Variants in SYNE1 observed in about 807,000 individuals in gnomAD.
The protein encoded by SYNE1 is spectrin repeat containing nuclear envelope protein 1.
Under a neutral mutation model 1,111.0 loss-of-function variants are expected in SYNE1, and 616 were observed. That is an observed-to-expected ratio of 0.55 (90% CI 0.52 to 0.59). SYNE1 has a LOEUF of 0.59. Among genes scored for constraint, SYNE1 ranks in the 20% least tolerant of loss-of-function variants. The probability of loss-of-function intolerance (pLI) is 0.00; values close to 1 mark genes in which losing one functional copy is unlikely to be tolerated. For synonymous variants in SYNE1, 3,855 were observed against 3,825.8 expected (o/e 1.01, Z -0.28); for missense variants, 10,006 against 10,417.0 (o/e 0.96, Z 1.72).
At chr6:152,632,428 A>G (rs2099699397) in intron 2 of SYNE1, among the ~76,000 whole-genome samples, 1 of 152,190 alleles carries the variant, frequency 6.6e-6, no homozygotes, top group Non-Finnish European at 1.5e-5. Flanking sequence ...TTTTACTGAT[A>G]CTTTATCTAA....
intron 93 of SYNE1, among the ~76,000 whole-genome samples, chr6:152,299,836 C>T (rs1413087859): frequency 1.3e-5 from 2 of 152,024 alleles, no homozygotes; most frequent in African/African-American, 2.4e-5. Flanking sequence ...CTTAATAATA[C>T]ATATCAACTT....
intron 77 of SYNE1, among the ~76,000 whole-genome samples, chr6:152,333,750 A>G (rs1400829467): frequency 1.3e-5 from 2 of 152,090 alleles, no homozygotes; most frequent in African/African-American, 4.8e-5. Flanking sequence ...CTCCTGCCTC[A>G]GCCTCCGAAG....
At chr6:152,308,682 A>C in intron 90 of SYNE1, 50 bp from the exon 91 acceptor site, 1 of 1,568,450 alleles carries the variant, frequency 6.4e-7, no homozygotes. Context: ...TTTCTCTACC[A>C]ATAACTAGGT....
Position 152,462,834 on chromosome 6 carries a change from A to G in SYNE1, c.2154T>C (p.Val718=). 3 of 1,613,982 alleles carry G rather than the reference A, an allele frequency of 1.9e-6. No homozygotes were observed. Among genetic ancestry groups the G allele is most frequent in the Non-Finnish European group, 2.5e-6 (3 of 1,179,896 alleles). The change falls in exon 20 of 146, where the codon GTT becomes GTC. Residue 718 remains valine, a synonymous_variant. Coordinates refer to ENST00000367255, the MANE Select transcript of SYNE1 (RefSeq NM_182961.4). The stretch of plus-strand genomic sequence containing the variant: ...CTTCCGTTGCAAAAGCAGACAGGGT[A>G]ACAACACAGTCTGTGTATTCCTTCT... ...RMKKEYTDCV[V]TLSAFATEAH...
chr6:152,349,435 T>C (rs1222326457), intron 72 of SYNE1, among the ~76,000 whole-genome samples: 1 of 152,198 alleles, frequency 6.6e-6, no homozygotes, highest in Non-Finnish European at 1.5e-5. Flanking sequence ...AAGGACAGAC[T>C]CAGATAGGCT....
intron 51 of SYNE1, among the ~76,000 whole-genome samples, chr6:152,394,788 C>CTTT (rs11358769): frequency 2.4e-5 from 3 of 125,726 alleles, no homozygotes; most frequent in Non-Finnish European, 5.0e-5. Flanking sequence ...TTTCTTTTTC[C>CTTT]TTTTTTTTTT....
chr6:152,394,410 A>T (rs1292819088), intron 51 of SYNE1, among the ~76,000 whole-genome samples: 1 of 148,230 alleles, frequency 6.7e-6, no homozygotes, highest in Non-Finnish European at 1.5e-5. Context: ...CTTTAAGAGG[A>T]CAGGTAATGA....
chr6:152,206,513 A>C (rs1009978955), intron 125 of SYNE1, 151 bp from the exon 126 acceptor site: 7 of 775,492 alleles, frequency 9.0e-6, no homozygotes, highest in Non-Finnish European at 1.5e-5. Context: ...CAGTGAATAA[A>C]TGAGTGAGAA....
At chr6:152,387,949 TA>T (rs2097549082) in intron 53 of SYNE1, among the ~76,000 whole-genome samples, 2 of 152,036 alleles carry the variant, frequency 1.3e-5, no homozygotes, top group South Asian at 4.2e-4. Context: ...ATAAGAAAAA[TA>T]GTCACAAATA....
In SYNE1 at chr6:152,278,235, G is replaced by A; in HGVS notation, c.18427C>T (p.Leu6143=). ...AGCAGGTTCTCATTGTGGACTGACA[G>A]TTCTGATAAAGCCACCACCTTCTGC... The part of the protein sequence containing the change: ...IEQKVVALSE[L]SVHNENLLLE... The change falls in exon 98 of 146, where the codon CTG becomes TTG. Residue 6143 remains leucine, a synonymous_variant. Coordinates refer to ENST00000367255, the MANE Select transcript of SYNE1 (RefSeq NM_182961.4). 1.2e-6 allele frequency: 2 copies of A among 1,614,174 alleles called. No individual in the cohort carries two copies. The highest frequency in any genetic ancestry group is 8.5e-7 in the Non-Finnish European group (1 of 1,180,038).
chr6:152,238,035 C>T (rs751465028), intron 108 of SYNE1, among the ~76,000 whole-genome samples: 1 of 152,086 alleles, frequency 6.6e-6, no homozygotes, highest in Non-Finnish European at 1.5e-5. Flanking sequence ...AAAACAGACA[C>T]AAACCCAGGC....
intron 117 of SYNE1, among the ~76,000 whole-genome samples, chr6:152,223,043 C>G (rs771604732): frequency 6.6e-6 from 1 of 152,068 alleles, no homozygotes; most frequent in Non-Finnish European, 1.5e-5. Flanking sequence ...CTACAAAAAT[C>G]GAGTACTGTT....
At chr6:152,548,287 G>A (rs181991069) in intron 3 of SYNE1, among the ~76,000 whole-genome samples, 95 of 152,312 alleles carry the variant, frequency 6.2e-4, no homozygotes, top group Middle Eastern at 3.4e-3. Context: ...TGTCTAGGAA[G>A]AAGGCTAAGA....
At chr6:152,124,819 C>A (rs971828148) in intron 145 of SYNE1, among the ~76,000 whole-genome samples, 1 of 152,126 alleles carries the variant, frequency 6.6e-6, no homozygotes, top group Non-Finnish European at 1.5e-5. Context: ...CATGTTGAGA[C>A]AGGGCCTTAG....
In SYNE1 at chr6:152,362,296, C is replaced by G; in HGVS notation, c.10173G>C (p.Trp3391Cys). 2 of 1,614,210 alleles carry G rather than the reference C, an allele frequency of 1.2e-6. No individual in the cohort carries two copies. The highest frequency in any genetic ancestry group is 1.7e-6 in the Non-Finnish European group (2 of 1,180,042). Residue 3391 changes from tryptophan to cysteine, a missense_variant, in exon 64 of 146, where the codon TGG becomes TGC. By Grantham distance (215) the Trp-to-Cys change is radical (BLOSUM62 -2). Coordinates refer to ENST00000367255, the MANE Select transcript of SYNE1 (RefSeq NM_182961.4). Reference sequence around the variant, plus strand: ...GTCGAACGCCATCCTGATAACTTGTCCACTTGGAGAGAGCTCCTTCGAGTT... The same window carrying G: ...GTCGAACGCCATCCTGATAACTTGTGCACTTGGAGAGAGCTCCTTCGAGTT... ...KSQLEGALSK[W>C]TSYQDGVRQF...
intron 117 of SYNE1, among the ~76,000 whole-genome samples, chr6:152,222,146 G>A (rs568076559): frequency 6.6e-6 from 1 of 152,322 alleles, no homozygotes; most frequent in East Asian, 1.9e-4. Flanking sequence ...AGCCAACAGG[G>A]GAAGGATGCA....
intron 106 of SYNE1, 102 bp downstream of exon 106, chr6:152,244,435 G>C (rs2086567978): frequency 6.4e-7 from 1 of 1,571,968 alleles, no homozygotes; most frequent in Non-Finnish European, 8.7e-7. Context: ...GACCTAAGTG[G>C]CGTGAATTTT....
intron 104 of SYNE1, among the ~76,000 whole-genome samples, chr6:152,253,390 G>T (rs1009332300): frequency 2.0e-5 from 3 of 152,114 alleles, no homozygotes; most frequent in Non-Finnish European, 4.4e-5. Context: ...GCACTGTTCA[G>T]AGTATTTTAA....
chr6:152,543,681 G>C (rs1337178080), intron 3 of SYNE1, among the ~76,000 whole-genome samples: 1 of 152,212 alleles, frequency 6.6e-6, no homozygotes. Flanking sequence ...ATAGATGACA[G>C]TAGTGCCATA....
Sources: gnomAD v4.1 joint callset for allele counts (sites outside exome capture counted in the v4.1 genomes callset) on GRCh38, gnomAD v4.1.1 for gene constraint, MANE v1.5 for transcripts, NCBI Gene and HGNC (gene_info 2026-07-23, HGNC 2026-07-21) for gene names.